Variants in GREB1 observed in about 807,000 individuals in gnomAD.
GREB1 encodes the protein growth regulating estrogen receptor binding 1.
A neutral mutation model predicts 200.7 loss-of-function variants in GREB1; 106 were observed. That is an observed-to-expected ratio of 0.53 (90% CI 0.45 to 0.62). GREB1 has a LOEUF of 0.62. Among genes scored for constraint, GREB1 ranks in the 20% least tolerant of loss-of-function variants. GREB1 has a pLI of 0.00. For synonymous variants in GREB1, 1,132 were observed against 1,092.4 expected, an observed-to-expected ratio of 1.04 and a Z score of -0.72; for missense variants, 2,243 against 2,556.8, an observed-to-expected ratio of 0.88 and a Z score of 2.65.
intron 1 of GREB1, among the ~76,000 whole-genome samples, chr2:11,517,190 C>T (rs984532710): frequency 4.6e-5 from 7 of 152,178 alleles, no homozygotes; most frequent in African/African-American, 1.2e-4. Context: ...CTGCTGCCCC[C>T]GGCCTCCCTG....
Position 11,629,472 on chromosome 2 carries a change from C to T in GREB1, c.4450-476C>T, listed in dbSNP as rs960888861. Among the ~76,000 whole-genome samples, 6 of 152,106 alleles carry T rather than the reference C, an allele frequency of 3.9e-5. No individual in the cohort carries two copies. Among genetic ancestry groups the T allele is most frequent in the Admixed American group, 2.6e-4 (4 of 15,272 alleles). On this transcript the variant is annotated intron_variant, in intron 25 of 32. Transcript: ENST00000381486. The surrounding 1 kb of genome is among the most constrained non-coding windows in gnomAD (Gnocchi z 5.2). ...AGTACTGCTTTGTAGGATTGTTAATCGCAGCACACAGGACAGAACGGTGCC... is the reference window on the plus strand; with the variant it reads ...AGTACTGCTTTGTAGGATTGTTAATTGCAGCACACAGGACAGAACGGTGCC...
rs955613621 is a variant in GREB1, at chr2:11,549,446, A to C, written c.-161-7008A>C. On this transcript the variant is annotated intron_variant, in intron 1 of 32. Coordinates refer to ENST00000381486, the MANE Select transcript of GREB1 (RefSeq NM_014668.4). ...AGCCACATTAATGAAATGTTTCAGA[A>C]TAGCCTTCAGTGTGGCCAAGAGTAG... Among the ~76,000 whole-genome samples the C allele has an allele frequency of 9.8e-5, 15 of 152,374 alleles. No homozygotes were observed. The East Asian group carries it at 2.9e-3, about 29-fold the overall frequency.
chr2:11,509,724 C>T (rs1379209469), intron 1 of GREB1, among the ~76,000 whole-genome samples: 1 of 152,120 alleles, frequency 6.6e-6, no homozygotes, highest in African/African-American at 2.4e-5. Flanking sequence ...TCTGAGGGAG[C>T]CTGTTTGCCC....
At chr2:11,554,185 C>A (rs1676211573) in intron 1 of GREB1, among the ~76,000 whole-genome samples, 1 of 152,190 alleles carries the variant, frequency 6.6e-6, no homozygotes, top group South Asian at 2.1e-4. Context: ...TGACCTCTCT[C>A]TTTCAGGAGC....
Position 11,578,395 on chromosome 2 carries a change from A to G in GREB1, c.736A>G (p.Thr246Ala). ...AAFPSEPVPG[T>A]NPSILMGAQQ... Reference sequence around the variant, plus strand: ...CTTCCCCAGCGAGCCCGTTCCTGGGACGAACCCCAGCATCCTGATGGGAGC... The same window carrying G: ...CTTCCCCAGCGAGCCCGTTCCTGGGGCGAACCCCAGCATCCTGATGGGAGC... Residue 246 changes from threonine to alanine, a missense_variant, in exon 6 of 33, where the codon ACG becomes GCG. Physicochemically the swap from Thr to Ala is moderately conservative, Grantham distance 58. Coordinates refer to ENST00000381486, the MANE Select transcript of GREB1 (RefSeq NM_014668.4). The G allele has an allele frequency of 1.9e-6, 3 of 1,613,992 alleles. No individual in the cohort carries two copies. The highest frequency in any genetic ancestry group is 2.5e-6 in the Non-Finnish European group (3 of 1,180,020).
intron 10 of GREB1, chr2:11,592,140 A>T (rs1027934658): frequency 2.6e-5 from 25 of 971,142 alleles, no homozygotes; most frequent in African/African-American, 1.2e-4. Context: ...CTGTTTAAAG[A>T]CCTTCTCTAA....
intron 1 of GREB1, among the ~76,000 whole-genome samples, chr2:11,544,570 A>G (rs890817728): frequency 6.6e-6 from 1 of 152,038 alleles, no homozygotes; most frequent in Admixed American, 6.5e-5. Flanking sequence ...TGGCTGTTCT[A>G]TTCTAAGGAG....
intron 21 of GREB1, among the ~76,000 whole-genome samples, chr2:11,617,615 G>A (rs916737964): frequency 5.9e-5 from 9 of 152,248 alleles, no homozygotes; most frequent in Admixed American, 2.0e-4. Flanking sequence ...CGGGCCTTGC[G>A]GAAGGTGTTG....
At chr2:11,572,649 G>C (rs1019076916) in intron 4 of GREB1, among the ~76,000 whole-genome samples, 9 of 151,968 alleles carry the variant, frequency 5.9e-5, no homozygotes, top group Admixed American at 5.9e-4. Context: ...CCACATGTGA[G>C]TGTCATGACC....
Position 11,604,629 on chromosome 2 carries a change from C to G in GREB1, c.2666+2087C>G, listed in dbSNP as rs1682085044. ...TCTAGGAATTATTTGGCCCAACCAC[C>G]TCATTTTATAATTGTGGGAACTGAA... On this transcript the variant is annotated intron_variant, in intron 17 of 32. Transcript: ENST00000381486. Among the ~76,000 whole-genome samples the G allele has an allele frequency of 3.3e-5, 5 of 152,318 alleles. No homozygotes were observed. In the South Asian group the frequency reaches 1.0e-3, roughly 32 times the overall value.
chr2:11,494,933 G>A (rs1231686837), intron 1 of GREB1, among the ~76,000 whole-genome samples: 3 of 152,156 alleles, frequency 2.0e-5, no homozygotes, highest in African/African-American at 7.2e-5. Context: ...TTTGGGGCCT[G>A]GCCTCAGAGG....
At chr2:11,516,369 A>G (rs1673502051) in intron 1 of GREB1, among the ~76,000 whole-genome samples, 1 of 146,670 alleles carries the variant, frequency 6.8e-6, no homozygotes, top group African/African-American at 2.6e-5. Flanking sequence ...GTTCTCTTCT[A>G]TCTTGCCCTG....
chr2:11,621,049 T>G (rs1251027284), intron 23 of GREB1, 42 bp downstream of exon 23: 1 of 1,068,808 alleles, frequency 9.4e-7, no homozygotes, highest in South Asian at 1.3e-5. Flanking sequence ...GGAGCCACCT[T>G]CATCACTTTC....
At chr2:11,622,062 A>G (rs1684054807) in intron 23 of GREB1, among the ~76,000 whole-genome samples, 1 of 152,130 alleles carries the variant, frequency 6.6e-6, no homozygotes, top group Non-Finnish European at 1.5e-5. Context: ...TATGGGGATT[A>G]AATGTGACAC....
chr2:11,625,160 G>A lies in GREB1; in HGVS notation c.4154G>A (p.Arg1385Lys), dbSNP rs1290040751. The change falls in exon 24 of 33, where the codon AGA (arginine) becomes AAA (lysine). Residue 1385 changes from arginine to lysine, a missense_variant. Arg to Lys is a conservative substitution (Grantham distance 26, BLOSUM62 2). This residue lies in a region of GREB1 where 587 missense variants were observed against 553.1 expected (regional missense o/e 1.06). Transcript: ENST00000381486. The part of the protein sequence containing the change: ...YDEEEININL[R>K]EESDWHYLQL... The stretch of plus-strand genomic sequence containing the variant: ...GTTTCTACCAATCTTGTAGACCTCA[G>A]AGAAGAATCTGACTGGCATTATCTC... The A allele has an allele frequency of 6.2e-7, 1 of 1,613,208 alleles. No individual in the cohort carries two copies. Among genetic ancestry groups the A allele is most frequent in the Non-Finnish European group, 8.5e-7 (1 of 1,179,202 alleles).
intron 1 of GREB1, among the ~76,000 whole-genome samples, chr2:11,550,889 GCCT>G (rs1489773978): frequency 1.3e-5 from 2 of 152,158 alleles, no homozygotes; most frequent in Non-Finnish European, 2.9e-5. Flanking sequence ...TTCACCAGAA[GCCT>G]CCTCTCCTTT....
chr2:11,546,642 G>A (rs1374596089), intron 1 of GREB1, among the ~76,000 whole-genome samples: 1 of 152,156 alleles, frequency 6.6e-6, no homozygotes, highest in Non-Finnish European at 1.5e-5. Context: ...TTCTCAAGTG[G>A]TTCTGGGAGA....
chr2:11,616,555 T>C (rs1572145185), intron 20 of GREB1, 76 bp from the exon 21 acceptor site: 1 of 896,966 alleles, frequency 1.1e-6, no homozygotes, highest in African/African-American at 1.6e-5. Flanking sequence ...GAACACACTT[T>C]ACACACTGTG....
intron 31 of GREB1, 52 bp from the exon 32 acceptor site, chr2:11,638,619 A>ACTATAC: frequency 6.3e-7 from 1 of 1,576,540 alleles, no homozygotes; most frequent in African/African-American, 1.4e-5. Flanking sequence ...GTATAATGTT[A>ACTATAC]CTGAGCATTT....
Sources: allele counts gnomAD v4.1 joint callset (sites outside exome capture counted in the v4.1 genomes callset), GRCh38; gene constraint gnomAD v4.1.1; regional missense constraint gnomAD v4.1.1; non-coding constraint Gnocchi (gnomAD v3.1); transcripts MANE v1.5; gene names NCBI Gene and HGNC (gene_info 2026-07-23, HGNC 2026-07-21).